CALN1: variants seen among roughly 807,000 people sequenced by gnomAD.
CALN1 encodes calcium-binding protein 8.
Under a neutral mutation model 30.6 loss-of-function variants are expected in CALN1, and 17 were observed. The observed-to-expected ratio is 0.56, with a 90% confidence interval of 0.38 to 0.83. The LOEUF is 0.83. Ranked by LOEUF, CALN1 falls within the 40% of genes least tolerant of loss-of-function variation. The probability of loss-of-function intolerance (pLI) is 0.00; values close to 1 mark genes in which losing one functional copy is unlikely to be tolerated. For synonymous variants in CALN1, 156 were observed against 131.4 expected (o/e 1.19, Z -1.28); for missense variants, 291 against 354.9 (o/e 0.82, Z 1.45).
At chr7:72,143,556 A>G (rs1432556955) in intron 3 of CALN1, among the ~76,000 whole-genome samples, 4 of 152,214 alleles carry the variant, frequency 2.6e-5, no homozygotes. Context: ...ACTCTGCAGG[A>G]TATTATCCAG....
At chr7:72,256,076 T>A (rs756180968) in intron 3 of CALN1, among the ~76,000 whole-genome samples, 3 of 152,210 alleles carry the variant, frequency 2.0e-5, no homozygotes, top group Non-Finnish European at 4.4e-5. Context: ...TGGGCACTTT[T>A]CAAGATTTCA....
intron 5 of CALN1, among the ~76,000 whole-genome samples, chr7:71,954,643 C>A (rs1222868363): frequency 6.6e-6 from 1 of 152,146 alleles, no homozygotes; most frequent in Non-Finnish European, 1.5e-5. Context: ...CAGAGTAAGA[C>A]CCTGTCTCAA....
chr7:72,151,899 TTTA>T (rs1787279219), intron 3 of CALN1, among the ~76,000 whole-genome samples: 2 of 143,022 alleles, frequency 1.4e-5, no homozygotes, highest in Non-Finnish European at 3.0e-5. Context: ...TATTTTTATT[TTTA>T]TTCTTTTCTT....
upstream of CALN1, among the ~76,000 whole-genome samples, chr7:72,448,456 C>A (rs1321932803): frequency 6.6e-6 from 1 of 152,080 alleles, no homozygotes; most frequent in African/African-American, 2.4e-5. Context: ...TTTTTGCTTG[C>A]CCCTGCTTGA....
At chr7:72,435,124 A>C (rs967761882) in intron 1 of CALN1, among the ~76,000 whole-genome samples, 2 of 152,088 alleles carry the variant, frequency 1.3e-5, no homozygotes, top group Non-Finnish European at 2.9e-5. Context: ...AGTCCTAGCT[A>C]TTCAGAAGGC....
rs370266239 is a variant in CALN1, at chr7:71,783,651, A to T, written c.*4124T>A. ...GGGCCTCAGGGAAACTGCTAGATTT[A>T]GGTGAAGAGCAACGTGCAAAACTGT... On this transcript the variant is annotated 3_prime_UTR_variant, in exon 7 of 7. Coordinates refer to ENST00000395275, the MANE Select transcript of CALN1 (RefSeq NM_031468.4). 6.5e-6 allele frequency: 1 copy of T among 152,686 alleles called. No homozygotes were observed. Among genetic ancestry groups the T allele is most frequent in the African/African-American group, 2.4e-5 (1 of 41,464 alleles). 9.5% of individuals were successfully genotyped at this position (152,686 alleles called of 1,614,324 possible). A position where few individuals can be genotyped will look rare whatever the true frequency, so the allele number is the denominator to read the frequency against.
chr7:72,286,826 G>A lies in CALN1; in HGVS notation c.120-8016C>T, dbSNP rs558174785. ...ACTTTCAAGAAGAAGTACAGCAAAAGCCTATTGCCAATAATGATATAATAC... is the reference window on the plus strand; with the variant it reads ...ACTTTCAAGAAGAAGTACAGCAAAAACCTATTGCCAATAATGATATAATAC... On this transcript the variant is annotated intron_variant, in intron 2 of 6. Transcript: ENST00000395275. 1.1e-4 allele frequency among the ~76,000 whole-genome samples: 16 copies of A among 152,292 alleles called. 1 individual carries two copies. The South Asian group carries it at 3.3e-3, about 32-fold the overall frequency.
intron 5 of CALN1, among the ~76,000 whole-genome samples, chr7:71,860,175 T>C (rs1394821585): frequency 6.6e-6 from 1 of 151,548 alleles, no homozygotes; most frequent in African/African-American, 2.4e-5. Flanking sequence ...TCTGCCTTTA[T>C]TGAGCATTCT....
intron 2 of CALN1, chr7:72,336,556 G>C (rs1417773598): frequency 5.2e-6 from 2 of 386,812 alleles, no homozygotes; most frequent in African/African-American, 4.4e-5. Flanking sequence ...GGTACGGGAG[G>C]CGCTGTCTGC....
intron 5 of CALN1, among the ~76,000 whole-genome samples, chr7:71,821,788 CTTTTT>C (rs775510268): frequency 6.3e-5 from 6 of 95,826 alleles, no homozygotes; most frequent in East Asian, 1.1e-3. Flanking sequence ...ATGTTTCTTT[CTTTTT>C]TTTTTTTTTT....
intron 5 of CALN1, among the ~76,000 whole-genome samples, chr7:71,852,876 T>C (rs1358864460): frequency 6.6e-6 from 1 of 152,222 alleles, no homozygotes; most frequent in Admixed American, 6.6e-5. Flanking sequence ...GTGAAATAAC[T>C]AGATGTTGAG....
chr7:71,800,062 G>A (rs1377736315), intron 6 of CALN1, among the ~76,000 whole-genome samples: 1 of 152,210 alleles, frequency 6.6e-6, no homozygotes. Context: ...CATTGTGCAT[G>A]GCCAGGTGAT....
chr7:72,185,548 T>A (rs1488075488), intron 3 of CALN1, among the ~76,000 whole-genome samples: 3 of 152,164 alleles, frequency 2.0e-5, no homozygotes, highest in Non-Finnish European at 2.9e-5. Context: ...TCACCTTACA[T>A]GACAAATGGG....
chr7:72,087,394 C>T (rs1805549597), intron 4 of CALN1, among the ~76,000 whole-genome samples: 2 of 152,060 alleles, frequency 1.3e-5, no homozygotes, highest in South Asian at 2.1e-4. Context: ...TAGCCGGGCA[C>T]GCTGGTGTGC....
chr7:71,915,665 C>T lies in CALN1; in HGVS notation c.502-105173G>A, dbSNP rs550250601. On this transcript the variant is annotated intron_variant, in intron 5 of 6. Transcript: ENST00000395275. ...AGGAGAATCACTTGAACAGGGGAGG[C>T]GGAGGTTGCAGTGAGCCAAGATCGC... Among the ~76,000 whole-genome samples the T allele has an allele frequency of 3.9e-5, 6 of 152,146 alleles. No homozygotes were observed. In the East Asian group the frequency reaches 5.8e-4, roughly 15 times the overall value.
chr7:71,823,223 C>T (rs1014865098), intron 5 of CALN1, among the ~76,000 whole-genome samples: 6 of 151,876 alleles, frequency 4.0e-5, no homozygotes, highest in Non-Finnish European at 8.8e-5. Flanking sequence ...CACTCTGTGG[C>T]CCAGGCTGGA....
intron 2 of CALN1, among the ~76,000 whole-genome samples, chr7:72,300,341 A>G (rs1340649859): frequency 1.3e-5 from 2 of 151,724 alleles, no homozygotes; most frequent in African/African-American, 2.4e-5. Flanking sequence ...TTTTTTTTTC[A>G]GTCTGTCCTG....
chr7:72,079,199 T>C (rs1804952326), intron 4 of CALN1, among the ~76,000 whole-genome samples: 1 of 152,174 alleles, frequency 6.6e-6, no homozygotes, highest in Non-Finnish European at 1.5e-5. Context: ...GACATCATTG[T>C]TCAGATCATA....
At chr7:72,490,902 G>A in the CALN1 span, among the ~76,000 whole-genome samples, 1 of 152,154 alleles carries the variant, frequency 6.6e-6, no homozygotes. Context: ...CTAATACAGT[G>A]TTGTTGTGAA....
Sources: allele counts gnomAD v4.1 joint callset (sites outside exome capture counted in the v4.1 genomes callset), GRCh38; gene constraint gnomAD v4.1.1; transcripts MANE v1.5; gene names NCBI Gene and HGNC (gene_info 2026-07-23, HGNC 2026-07-21).